Variants in ANKAR observed in about 807,000 individuals in gnomAD.
ANKAR encodes the protein ankyrin and armadillo repeat-containing protein.
ANKAR carries 136 observed loss-of-function variants against 146.2 expected under a neutral mutation model. The observed-to-expected ratio is 0.93, with a 90% CI of 0.81 to 1.07. The LOEUF is 1.07. ANKAR is among the 50% of genes least tolerant of loss of function. ANKAR has a pLI of 0.00. For missense variants in ANKAR, 1,567 were observed against 1,679.9 expected (o/e 0.93, Z 1.18); for synonymous variants, 500 against 575.8 (o/e 0.87, Z 1.88).
intron 19 of ANKAR, among the ~76,000 whole-genome samples, chr2:189,739,197 A>G (rs1057392772): frequency 3.3e-5 from 5 of 152,230 alleles, no homozygotes; most frequent in African/African-American, 1.2e-4. Flanking sequence ...CTAACCCAAC[A>G]GCTCACACAT....
Position 189,727,918 on chromosome 2 carries a change from C to T in ANKAR, c.2698C>T (p.Gln900Ter). The part of the protein sequence containing the change: ...AEVGRDNKEI[Q>*]DAIAMEGAIP... Reference sequence around the variant, plus strand: ...GGTTGGGCGTGACAATAAGGAAATTCAGGATGCTATAGCTATGGAGGGAGC... The same window carrying T: ...GGTTGGGCGTGACAATAAGGAAATTTAGGATGCTATAGCTATGGAGGGAGC... The change falls in exon 13 of 23, where the codon CAG becomes TAG. Residue 900 changes from glutamine to a stop codon, truncating the protein, a stop_gained. Transcript: ENST00000684021. LOFTEE classifies it high-confidence loss of function. The T allele has an allele frequency of 6.2e-7, 1 of 1,613,984 alleles. No homozygotes were observed. Among genetic ancestry groups the T allele is most frequent in the Non-Finnish European group, 8.5e-7 (1 of 1,179,954 alleles).
chr2:189,719,831 A>G lies in ANKAR; in HGVS notation c.2466+18A>G, dbSNP rs886365835. 3 of 1,535,584 alleles carry G rather than the reference A, an allele frequency of 2.0e-6. No individual in the cohort carries two copies. Among genetic ancestry groups the G allele is most frequent in the East Asian group, 2.3e-5 (1 of 43,878 alleles). ...CCAAATATGTAAGTTCCTTTCATATACAATTATTTTTGACTGACAATAACT... is the reference window on the plus strand; with the variant it reads ...CCAAATATGTAAGTTCCTTTCATATGCAATTATTTTTGACTGACAATAACT... On this transcript the variant is annotated intron_variant, in intron 11 of 22. Transcript: ENST00000684021.
At position 189,727,769 on chromosome 2, in the gene ANKAR, A is replaced by G. The variant is rs899149936; in HGVS notation, c.2636-87A>G. 5 of 1,436,068 alleles carry G rather than the reference A, an allele frequency of 3.5e-6. No individual in the cohort carries two copies. In the African/African-American group the frequency reaches 7.2e-5, roughly 21 times the overall value. The allele number at this position is 1,436,068 out of a possible 1,614,324, so 89.0% of individuals were successfully genotyped here. A position where few individuals can be genotyped will look rare whatever the true frequency, so the allele number is the denominator to read the frequency against. On this transcript the variant is annotated intron_variant, in intron 12 of 22. Coordinates refer to ENST00000684021, the MANE Select transcript of ANKAR (RefSeq NM_001378068.1). ...CTAAGCTTTTTATAAATTTGATTTT[A>G]TAATATGGGAAACTAATGATATGCT...
At chr2:189,727,392 G>T (rs569132392) in intron 12 of ANKAR, among the ~76,000 whole-genome samples, 3 of 151,736 alleles carry the variant, frequency 2.0e-5, no homozygotes, top group African/African-American at 7.3e-5. Flanking sequence ...AAAATTAGCC[G>T]GGTGTGGTGG....
At chr2:189,737,122 G>T (rs917350323) in intron 17 of ANKAR, among the ~76,000 whole-genome samples, 1 of 19,572 alleles carries the variant, frequency 5.1e-5, no homozygotes, top group Admixed American at 8.4e-4. Context: ...TCACCAAGAT[G>T]AATGAGTTCT....
chr2:189,755,778 C>G (rs2278591), intron 18 of ANKAR, among the ~76,000 whole-genome samples: 17,331 of 152,170 alleles, frequency 0.11, 1,178 homozygotes, highest in Middle Eastern at 0.17. Flanking sequence ...TTATGCACAA[C>G]AGACTCCCAT....
chr2:189,676,228 C>A lies in ANKAR; in HGVS notation c.-35-228C>A, dbSNP rs573827533. ...CATACATCTTCTTGTCTTTTGAATT[C>A]TTTGAAAAGCAGAACATGGTTAATG... On this transcript the variant is annotated intron_variant, in intron 1 of 22. Transcript: ENST00000684021. Among the ~76,000 whole-genome samples, 7 of 152,194 alleles carry A rather than the reference C, an allele frequency of 4.6e-5. No individual in the cohort carries two copies. The East Asian group carries it at 5.8e-4, about 13-fold the overall frequency.
chr2:189,719,487 T>G, intron 10 of ANKAR, 85 bp from the exon 11 acceptor site: 1 of 1,118,574 alleles, frequency 8.9e-7, no homozygotes, highest in Middle Eastern at 3.4e-4. Flanking sequence ...CCCATAAATA[T>G]TATTTAAATA....
At chr2:189,699,714 C>T (rs896490513) in intron 7 of ANKAR, among the ~76,000 whole-genome samples, 1 of 152,162 alleles carries the variant, frequency 6.6e-6, no homozygotes, top group African/African-American at 2.4e-5. Flanking sequence ...GGCTGGAGTG[C>T]AGTGGTGAGA....
chr2:189,713,356 G>T (rs1036757297), intron 10 of ANKAR, among the ~76,000 whole-genome samples: 100 of 152,214 alleles, frequency 6.6e-4, no homozygotes, highest in African/African-American at 2.4e-3. Flanking sequence ...AAATGTTAAG[G>T]GCAGCCAGAG....
At position 189,719,777 on chromosome 2, in the gene ANKAR, T is replaced by C; in HGVS notation, c.2430T>C (p.Ile810=). The change falls in exon 11 of 23, where the codon ATT becomes ATC. Residue 810 remains isoleucine (I), a synonymous_variant. Transcript: ENST00000684021. The part of the protein sequence containing the change: ...HSRCAVILYD[I]AQCENKDVIA... ...GCTGTGCTGTCATTCTATATGATATTGCTCAATGTGAAAACAAGGATGTTA... is the reference window on the plus strand; with the variant it reads ...GCTGTGCTGTCATTCTATATGATATCGCTCAATGTGAAAACAAGGATGTTA... The C allele has an allele frequency of 2.5e-6, 4 of 1,594,316 alleles. No individual in the cohort carries two copies. The highest frequency in any genetic ancestry group is 3.4e-6 in the Non-Finnish European group (4 of 1,164,526).
chr2:189,750,684 A>G, downstream of ANKAR: 1 of 1,530,132 alleles, frequency 6.5e-7, no homozygotes, highest in Non-Finnish European at 8.8e-7. Flanking sequence ...AAATCGTATT[A>G]TTTATTTGCT....
At chr2:189,698,510 T>A (rs1156411858) in intron 7 of ANKAR, among the ~76,000 whole-genome samples, 3 of 152,142 alleles carry the variant, frequency 2.0e-5, no homozygotes, top group African/African-American at 7.2e-5. Flanking sequence ...CAATGTTGGA[T>A]ATGGAGAAAA....
chr2:189,742,751 G>A (rs2043457680), intron 20 of ANKAR, among the ~76,000 whole-genome samples: 1 of 151,846 alleles, frequency 6.6e-6, no homozygotes, highest in South Asian at 2.1e-4. Flanking sequence ...TTATATGGGT[G>A]ATGCTAATGC....
At chr2:189,701,971 CTATGAT>C (rs958314467) in intron 7 of ANKAR, among the ~76,000 whole-genome samples, 1 of 152,042 alleles carries the variant, frequency 6.6e-6, no homozygotes, top group Admixed American at 6.6e-5. Context: ...TTCTATCATC[CTATGAT>C]TATATCTCAG....
At position 189,755,686 on chromosome 2, in the gene ANKAR, T is replaced by C. The variant is rs2045970591; in HGVS notation, c.*585-5412T>C. The C allele has an allele frequency of 6.0e-6, 6 of 1,000,378 alleles. No homozygotes were observed. In the South Asian group the frequency reaches 9.5e-5, roughly 16 times the overall value. 62.0% of individuals were successfully genotyped at this position (1,000,378 alleles called of 1,614,324 possible). ...GCTGAGTAAGTCAAGTATTTTCTAA[T>C]TGTGTGCCTTCTAACATAGCACACT... On this transcript the variant is annotated intron_variant and NMD_transcript_variant, in intron 18 of 18. Coordinates refer to the ANKAR transcript ENST00000441800.
chr2:189,730,480 CGTGGACTCTTACAGGT>C lies in ANKAR; in HGVS notation c.3194-12_3197del. ...ATGGAAAAAAATATTACCTCACTGG[CGTGGACTCTTACAGGT>C]GTAGCCCATACAAGCAATCCTGTCA... On this transcript the variant is annotated splice_acceptor_variant and splice_polypyrimidine_tract_variant and coding_sequence_variant and intron_variant, in exon 16 of 23. Coordinates refer to ENST00000684021, the MANE Select transcript of ANKAR (RefSeq NM_001378068.1). LOFTEE classifies it high-confidence loss of function. 6.8e-7 allele frequency: 1 copy of C among 1,475,732 alleles called. No homozygotes were observed. The highest frequency in any genetic ancestry group is 9.3e-7 in the Non-Finnish European group (1 of 1,074,890). 91.4% of individuals were successfully genotyped at this position (1,475,732 alleles called of 1,614,324 possible).
chr2:189,710,263 G>A (rs964283922), intron 9 of ANKAR, among the ~76,000 whole-genome samples: 1 of 146,936 alleles, frequency 6.8e-6, no homozygotes, highest in Non-Finnish European at 1.5e-5. Context: ...TCCTCTGTCT[G>A]TAGTACAAGT....
At chr2:189,707,218 G>A (rs2039060660) in intron 9 of ANKAR, 72 bp downstream of exon 9, 2 of 767,662 alleles carry the variant, frequency 2.6e-6, no homozygotes, top group African/African-American at 1.8e-5. Context: ...CTGAAAGAGA[G>A]AAAATAAAAT....
Sources: allele counts gnomAD v4.1 joint callset (sites outside exome capture counted in the v4.1 genomes callset), GRCh38; gene constraint gnomAD v4.1.1; transcripts MANE v1.5; gene names NCBI Gene and HGNC (gene_info 2026-07-23, HGNC 2026-07-21).